Variants in PLEKHB2 observed in about 807,000 individuals in gnomAD.
PLEKHB2 encodes pleckstrin homology domain containing B2.
A neutral mutation model predicts 36.5 loss-of-function variants in PLEKHB2; 31 were observed. The observed-to-expected ratio is 0.85, with a 90% CI of 0.64 to 1.15. PLEKHB2 has a LOEUF of 1.15. Among genes scored for constraint, PLEKHB2 ranks in the 50% most tolerant of loss-of-function variants. The pLI, the probability that PLEKHB2 is intolerant of heterozygous loss-of-function variation, is 0.00. For missense variants in PLEKHB2, 262 were observed against 295.3 expected (o/e 0.89, Z 0.83); for synonymous variants, 119 against 112.0 (o/e 1.06, Z -0.39).
At position 131,148,907 on chromosome 2, in the gene PLEKHB2, C is replaced by G. The variant is rs1414933590; in HGVS notation, c.*2134C>G. ...ACTATTAACAGTTTTTCATGTTGCACTGGTGGTAATTTTGAACTTGGAATT... is the reference window on the plus strand; with the variant it reads ...ACTATTAACAGTTTTTCATGTTGCAGTGGTGGTAATTTTGAACTTGGAATT... On this transcript the variant is annotated 3_prime_UTR_variant, in exon 8 of 8. Transcript: ENST00000693505. The G allele has an allele frequency of 1.3e-5, 2 of 152,182 alleles. No individual in the cohort carries two copies. The highest frequency in any genetic ancestry group is 2.9e-5 in the Non-Finnish European group (2 of 68,034). 9.4% of individuals were successfully genotyped at this position (152,182 alleles called of 1,614,324 possible). A position where few individuals can be genotyped will look rare whatever the true frequency, so the allele number is the denominator to read the frequency against.
intron 6 of PLEKHB2, among the ~76,000 whole-genome samples, chr2:131,133,827 G>A (rs925898545): frequency 4.0e-5 from 6 of 151,294 alleles, no homozygotes; most frequent in African/African-American, 7.3e-5. Context: ...GGAGTTTAAC[G>A]TTTTTCACTC....
intron 6 of PLEKHB2, among the ~76,000 whole-genome samples, chr2:131,136,377 T>A (rs946446956): frequency 6.7e-6 from 1 of 149,800 alleles, no homozygotes. Context: ...GCAAAAAAAT[T>A]TTTTTTTTTT....
intron 6 of PLEKHB2, among the ~76,000 whole-genome samples, chr2:131,138,565 C>T (rs1013490654): frequency 1.4e-4 from 21 of 152,134 alleles, no homozygotes; most frequent in African/African-American, 1.2e-4. Context: ...GGTGGAAGTC[C>T]GGGCTCGCCT....
intron 6 of PLEKHB2, among the ~76,000 whole-genome samples, chr2:131,137,878 A>G (rs908864713): frequency 3.9e-5 from 6 of 152,062 alleles, no homozygotes; most frequent in Admixed American, 3.9e-4. Flanking sequence ...TCTTGAATAT[A>G]TAGGCTTGGG....
chr2:131,136,385 T>G (rs7566939), intron 6 of PLEKHB2, among the ~76,000 whole-genome samples: 79,459 of 150,984 alleles, frequency 0.53, 24,411 homozygotes, highest in East Asian at 0.76. Flanking sequence ...ATTTTTTTTT[T>G]TTGTTGTAGA....
rs1695856900 is a variant in PLEKHB2 at position 131,116,200 on chromosome 2, CA to C, written c.-8-4733del. 3.3e-5 allele frequency among the ~76,000 whole-genome samples: 5 copies of C among 152,246 alleles called. No individual in the cohort carries two copies. In the South Asian group the frequency reaches 1.0e-3, roughly 32 times the overall value. The stretch of plus-strand genomic sequence containing the variant: ...GTTTATAATGTCCTCTAGATGTAGA[CA>C]TTTCCATTTCTTTTTTCTTTTTGAA... On this transcript the variant is annotated intron_variant, in intron 1 of 7. Coordinates refer to ENST00000693505, the MANE Select transcript of PLEKHB2 (RefSeq NM_001100623.2).
At position 131,140,148 on chromosome 2, in the gene PLEKHB2, TG is replaced by T; in HGVS notation, c.424-16del. 6.8e-7 allele frequency: 1 copy of T among 1,475,538 alleles called. No individual in the cohort carries two copies. Among genetic ancestry groups the T allele is most frequent in the South Asian group, 1.2e-5 (1 of 85,176 alleles). 91.4% of individuals were successfully genotyped at this position (1,475,538 alleles called of 1,614,324 possible). ...AGAGGTTTCACAATTGTATTTCTAATGGGCCTGTTTCTTTTCAGCAGGCTTA... is the reference window on the plus strand; with the variant it reads ...AGAGGTTTCACAATTGTATTTCTAATGGCCTGTTTCTTTTCAGCAGGCTTA... On this transcript the variant is annotated intron_variant, in intron 6 of 7. Transcript: ENST00000693505.
At chr2:131,121,327 C>T (rs1696491808) in intron 2 of PLEKHB2, among the ~76,000 whole-genome samples, 1 of 152,220 alleles carries the variant, frequency 6.6e-6, no homozygotes, top group Admixed American at 6.5e-5. Context: ...CGGCTCACCG[C>T]AGCCTCCGCT....
chr2:131,125,867 T>A lies in PLEKHB2; in HGVS notation c.152T>A (p.Met51Lys), dbSNP rs1246724178. The A allele has an allele frequency of 2.5e-6, 4 of 1,613,632 alleles. No individual in the cohort carries two copies. Among genetic ancestry groups the A allele is most frequent in the Non-Finnish European group, 3.4e-6 (4 of 1,179,866 alleles). ...ATCGAGGATAAGGTCCACATGCCAA[T>A]GGACTGCATCAACATCCGCACGGGG... ...QNIEDKVHMP[M>K]DCINIRTGQE... The change falls in exon 3 of 8, where the codon ATG becomes AAG. Residue 51 changes from methionine to lysine, a missense_variant. Met to Lys is a moderately conservative substitution (Grantham distance 95). Transcript: ENST00000693505.
chr2:131,135,427 A>G (rs1698141235), intron 6 of PLEKHB2, among the ~76,000 whole-genome samples: 1 of 152,142 alleles, frequency 6.6e-6, no homozygotes, highest in African/African-American at 2.4e-5. Context: ...ATTCTTTGGG[A>G]TATACTACAT....
At chr2:131,130,459 A>G (rs1482800873) in intron 4 of PLEKHB2, among the ~76,000 whole-genome samples, 7 of 152,214 alleles carry the variant, frequency 4.6e-5, no homozygotes, top group African/African-American at 1.7e-4. Context: ...TGAACTGACA[A>G]AGCAAGTGGC....
intron 6 of PLEKHB2, among the ~76,000 whole-genome samples, chr2:131,137,671 T>C (rs921445398): frequency 2.0e-5 from 3 of 152,166 alleles, no homozygotes; most frequent in Non-Finnish European, 1.5e-5. Flanking sequence ...TTACTAAAGG[T>C]TTTATTAATT....
chr2:131,140,344 C>T (rs930881398), intron 7 of PLEKHB2, 69 bp downstream of exon 7: 7 of 795,646 alleles, frequency 8.8e-6, no homozygotes, highest in African/African-American at 1.7e-5. Flanking sequence ...GACCTGTAAA[C>T]GTTTTTATTT....
intron 6 of PLEKHB2, among the ~76,000 whole-genome samples, chr2:131,139,887 A>C (rs1241356510): frequency 6.6e-6 from 1 of 152,244 alleles, no homozygotes; most frequent in African/African-American, 2.4e-5. Flanking sequence ...GGTTAACAGC[A>C]CAGCTGAATT....
intron 1 of PLEKHB2, among the ~76,000 whole-genome samples, chr2:131,119,606 T>C (rs1307880528): frequency 6.6e-6 from 1 of 152,206 alleles, no homozygotes; most frequent in South Asian, 2.1e-4. Context: ...TTCCTAGTCA[T>C]GGTGAGATTG....
chr2:131,118,172 A>T (rs1410184200), intron 1 of PLEKHB2, among the ~76,000 whole-genome samples: 2 of 152,144 alleles, frequency 1.3e-5, no homozygotes. Context: ...GGTGGCTGCC[A>T]GCACAGTGAG....
chr2:131,144,611 G>A (rs1699102653), intron 7 of PLEKHB2, among the ~76,000 whole-genome samples: 1 of 152,194 alleles, frequency 6.6e-6, no homozygotes, highest in South Asian at 2.1e-4. Context: ...AACTGTGTCT[G>A]CCTTTTTCTC....
At chr2:131,121,776 G>T (rs1456042601) in intron 2 of PLEKHB2, among the ~76,000 whole-genome samples, 2 of 152,148 alleles carry the variant, frequency 1.3e-5, no homozygotes, top group African/African-American at 4.8e-5. Context: ...CTAGAGAAGA[G>T]ACTCAGTTCT....
intron 5 of PLEKHB2, among the ~76,000 whole-genome samples, chr2:131,132,099 G>A (rs190142169): frequency 2.0e-5 from 3 of 152,132 alleles, no homozygotes; most frequent in African/African-American, 4.8e-5. Flanking sequence ...CCAAAATGCT[G>A]TGATTAAAGG....
Sources: allele counts gnomAD v4.1 joint callset (sites outside exome capture counted in the v4.1 genomes callset), GRCh38; gene constraint gnomAD v4.1.1; transcripts MANE v1.5; gene names NCBI Gene and HGNC (gene_info 2026-07-23, HGNC 2026-07-21).